Variants in CELF2 observed in about 807,000 individuals in gnomAD.
CELF2 encodes the protein CUG triplet repeat RNA-binding protein 2.
In CELF2, 8 loss-of-function variants were observed where a neutral mutation model predicts 62.6. That is an observed-to-expected ratio of 0.13 (90% confidence interval 0.07 to 0.23). CELF2 has a LOEUF of 0.23. Among genes scored for constraint, CELF2 ranks in the 10% least tolerant of loss-of-function variants. The pLI is 1.00. For missense variants in CELF2, 333 were observed against 671.0 expected (o/e 0.50, Z 5.56); for synonymous variants, 258 against 250.0 (o/e 1.03, Z -0.30).
the CELF2 span, among the ~76,000 whole-genome samples, chr10:10,641,834 G>T: frequency 6.6e-6 from 1 of 152,228 alleles, no homozygotes; most frequent in South Asian, 2.1e-4. Context: ...GTTTAAAAAT[G>T]GACAAAAATA....
At chr10:10,882,400 C>G (rs757577800) in intron 1 of CELF2, among the ~76,000 whole-genome samples, 10 of 152,158 alleles carry the variant, frequency 6.6e-5, no homozygotes, top group Non-Finnish European at 1.3e-4. Context: ...AAATGTATCT[C>G]CATTCTGTCG....
intron 3 of CELF2, among the ~76,000 whole-genome samples, chr10:11,232,538 C>T (rs183406929): frequency 6.7e-4 from 102 of 152,242 alleles, no homozygotes; most frequent in African/African-American, 2.1e-3. Context: ...GTCCAGTTGA[C>T]GAATGGTAAA....
chr10:11,291,990 G>C (rs2092590933), intron 9 of CELF2, among the ~76,000 whole-genome samples: 1 of 152,126 alleles, frequency 6.6e-6, no homozygotes, highest in South Asian at 2.1e-4. Context: ...TAAAGAAAAG[G>C]ATGCTTTAAA....
chr10:10,614,048 A>G, the CELF2 span, among the ~76,000 whole-genome samples: 1 of 152,148 alleles, frequency 6.6e-6, no homozygotes, highest in African/African-American at 2.4e-5. Flanking sequence ...AAATAAACAA[A>G]TGCTTTGGCC....
rs1236694892 is a variant in CELF2 at position 11,110,394 on chromosome 10, A to C, written c.75-55092A>C. On this transcript the variant is annotated intron_variant, in intron 1 of 12. Transcript: ENST00000633077. The surrounding 1 kb of genome is among the most constrained non-coding windows in gnomAD (Gnocchi z 4.0). ...CATTGAGTGGAACAGAAAAAATGTGAAACGATGAAGTTTTAGGAAGCCATC... is the reference window on the plus strand; with the variant it reads ...CATTGAGTGGAACAGAAAAAATGTGCAACGATGAAGTTTTAGGAAGCCATC... 6.6e-6 allele frequency among the ~76,000 whole-genome samples: 1 copy of C among 152,216 alleles called. No individual in the cohort carries two copies. Among genetic ancestry groups the C allele is most frequent in the Non-Finnish European group, 1.5e-5 (1 of 68,042 alleles).
the CELF2 span, among the ~76,000 whole-genome samples, chr10:10,703,248 T>C: frequency 1.2e-4 from 19 of 152,274 alleles, no homozygotes; most frequent in East Asian, 3.3e-3. Context: ...AGAGTTGTAA[T>C]TGTCTGCTTT....
the CELF2 span, among the ~76,000 whole-genome samples, chr10:10,773,136 A>T: frequency 1.3e-5 from 2 of 152,218 alleles, no homozygotes; most frequent in South Asian, 4.1e-4. Flanking sequence ...CTCTTTAAAC[A>T]CAAATATGGT....
rs2064307903 is a variant in CELF2 at position 11,156,035 on chromosome 10, A to T, written c.75-9451A>T. On this transcript the variant is annotated intron_variant, in intron 1 of 12. Coordinates refer to ENST00000633077, the MANE Select transcript of CELF2 (RefSeq NM_001326342.2). This position sits in a 1 kb window ranked among gnomAD's most constrained non-coding sequence, Gnocchi z 4.3. ...TAGGTGGAGTTCTGAATGCCGGGCA[A>T]GCACAAAGGTCAGTGACGCCTTTGT... Among the ~76,000 whole-genome samples the T allele has an allele frequency of 6.6e-6, 1 of 152,242 alleles. No homozygotes were observed. The highest frequency in any genetic ancestry group is 2.4e-5 in the African/African-American group (1 of 41,472).
At chr10:10,690,516 T>A in the CELF2 span, among the ~76,000 whole-genome samples, 1 of 152,148 alleles carries the variant, frequency 6.6e-6, no homozygotes, top group East Asian at 1.9e-4. Context: ...CCCGCTCCCA[T>A]CAAGCATCCC....
chr10:10,623,802 T>TA, the CELF2 span, among the ~76,000 whole-genome samples: 947 of 152,318 alleles, frequency 6.2e-3, 12 homozygotes, highest in African/African-American at 0.022. Flanking sequence ...ATTTAATCCT[T>TA]ACCGCAAATC....
At chr10:11,239,948 G>T (rs998097215) in intron 3 of CELF2, among the ~76,000 whole-genome samples, 1 of 152,180 alleles carries the variant, frequency 6.6e-6, no homozygotes, top group African/African-American at 2.4e-5. Flanking sequence ...AGCTATTCGG[G>T]AGGCTAAGGC....
chr10:10,904,457 C>G (rs1462003301), intron 1 of CELF2, among the ~76,000 whole-genome samples: 1 of 152,064 alleles, frequency 6.6e-6, no homozygotes, highest in African/African-American at 2.4e-5. Context: ...GTCATGAACT[C>G]CTGGCCTCAA....
In CELF2 at chr10:11,145,302, G is replaced by A. The variant is rs116310091; in HGVS notation, c.75-20184G>A. 0.012 allele frequency among the ~76,000 whole-genome samples: 1,781 copies of A among 152,336 alleles called. 30 individuals are homozygous for A. The highest frequency in any genetic ancestry group is 0.041 in the African/African-American group (1,685 of 41,562). On this transcript the variant is annotated intron_variant, in intron 1 of 12. Coordinates refer to ENST00000633077, the MANE Select transcript of CELF2 (RefSeq NM_001326342.2). The surrounding 1 kb of genome is among the most constrained non-coding windows in gnomAD (Gnocchi z 4.3). ...ATCTGTGTGGCACAGATACTTTTATGTGTTGTTGAAAGAGCTGGCTGAGCT... is the reference window on the plus strand; with the variant it reads ...ATCTGTGTGGCACAGATACTTTTATATGTTGTTGAAAGAGCTGGCTGAGCT...
At chr10:10,589,469 G>A in the CELF2 span, among the ~76,000 whole-genome samples, 4 of 152,312 alleles carry the variant, frequency 2.6e-5, no homozygotes, top group East Asian at 5.8e-4. Flanking sequence ...GGAATGCCCT[G>A]GGCAGAGAGG....
At chr10:10,788,951 T>G in the CELF2 span, 1 of 152,186 alleles carries the variant, frequency 6.6e-6, no homozygotes, top group Admixed American at 6.5e-5. Flanking sequence ...TGCTTGCCCT[T>G]TGTTGCTACT....
chr10:11,154,641 G>T (rs1325923656), intron 1 of CELF2, among the ~76,000 whole-genome samples: 2 of 152,330 alleles, frequency 1.3e-5, no homozygotes, highest in African/African-American at 4.8e-5. Flanking sequence ...CAGGAAAATT[G>T]TAGGAAATGT....
At chr10:10,746,062 G>T in the CELF2 span, among the ~76,000 whole-genome samples, 4 of 152,112 alleles carry the variant, frequency 2.6e-5, no homozygotes, top group Non-Finnish European at 5.9e-5. Context: ...TTAATTAGAT[G>T]GCCAGTCCAG....
At position 10,938,366 on chromosome 10, in the gene CELF2, A is replaced by G. The variant is rs2046653009; in HGVS notation, c.89+18367A>G. Among the ~76,000 whole-genome samples the G allele has an allele frequency of 6.6e-6, 1 of 152,236 alleles. No individual in the cohort carries two copies. Among genetic ancestry groups the G allele is most frequent in the Non-Finnish European group, 1.5e-5 (1 of 68,044 alleles). On this transcript the variant is annotated intron_variant, in intron 2 of 13. Transcript: ENST00000636488. This position sits in a 1 kb window ranked among gnomAD's most constrained non-coding sequence, Gnocchi z 4.2. ...ACCAAAGGATTATCTTTAAATTTAG[A>G]GAATGAAAAATGCAAGAGCATTGTA...
chr10:10,570,191 G>C, the CELF2 span, among the ~76,000 whole-genome samples: 1 of 152,310 alleles, frequency 6.6e-6, no homozygotes, highest in African/African-American at 2.4e-5. Context: ...CAATGCCTCA[G>C]GGTGAGAAGC....
Sources: allele counts gnomAD v4.1 joint callset (sites outside exome capture counted in the v4.1 genomes callset), GRCh38; gene constraint gnomAD v4.1.1; non-coding constraint Gnocchi (gnomAD v3.1); transcripts MANE v1.5; gene names NCBI Gene and HGNC (gene_info 2026-07-23, HGNC 2026-07-21).